FAM135B: variants seen among roughly 807,000 people sequenced by gnomAD.
FAM135B encodes the protein family with sequence similarity 135 member B.
In FAM135B, 43 loss-of-function variants were observed where a neutral mutation model predicts 127.7. The observed-to-expected ratio is 0.34, with a 90% CI of 0.26 to 0.43. The LOEUF is 0.43. Ranked by LOEUF, FAM135B falls within the 20% of genes least tolerant of loss-of-function variation. The probability of loss-of-function intolerance (pLI) is 1.00; values close to 1 mark genes in which losing one functional copy is unlikely to be tolerated. For missense variants in FAM135B, 1,558 were observed against 1,725.6 expected (o/e 0.90, Z 1.72); for synonymous variants, 670 against 665.1 (o/e 1.01, Z -0.11).
chr8:138,430,952 A>G (rs946706406), intron 1 of FAM135B, among the ~76,000 whole-genome samples: 14 of 152,306 alleles, frequency 9.2e-5, no homozygotes, highest in African/African-American at 3.1e-4. Context: ...AAGGGAATAA[A>G]TAATGTATAA....
chr8:138,285,707 G>A (rs900835878), intron 3 of FAM135B, among the ~76,000 whole-genome samples: 3 of 152,302 alleles, frequency 2.0e-5, no homozygotes, highest in Non-Finnish European at 2.9e-5. Flanking sequence ...TTAAACAAGA[G>A]CATTAATTTC....
chr8:138,150,465 C>T (rs1301635711), intron 13 of FAM135B, among the ~76,000 whole-genome samples: 1 of 152,070 alleles, frequency 6.6e-6, no homozygotes, highest in African/African-American at 2.4e-5. Context: ...GTCAAGAGAT[C>T]GAGACCATCC....
At chr8:138,353,124 T>C (rs1363379296) in intron 2 of FAM135B, among the ~76,000 whole-genome samples, 1 of 152,148 alleles carries the variant, frequency 6.6e-6, no homozygotes, top group Admixed American at 6.5e-5. Flanking sequence ...TTCTGTACCA[T>C]TCCTAGGAGA....
chr8:138,482,145 G>A (rs1490147369), intron 1 of FAM135B, among the ~76,000 whole-genome samples: 6 of 152,218 alleles, frequency 3.9e-5, no homozygotes, highest in African/African-American at 1.4e-4. Context: ...GAAAGGAAGT[G>A]CCACTTCAGC....
At chr8:138,408,591 A>C (rs968680015) in intron 1 of FAM135B, among the ~76,000 whole-genome samples, 1 of 152,174 alleles carries the variant, frequency 6.6e-6, no homozygotes, top group Non-Finnish European at 1.5e-5. Flanking sequence ...ATTTATGATC[A>C]AAATAGGTTT....
chr8:138,226,581 G>A (rs1446850000), intron 7 of FAM135B, among the ~76,000 whole-genome samples: 5 of 152,174 alleles, frequency 3.3e-5, no homozygotes, highest in East Asian at 3.9e-4. Context: ...TTTTTGAGAT[G>A]GAGGCTCACT....
At chr8:138,298,548 G>A (rs1160541560) in intron 3 of FAM135B, among the ~76,000 whole-genome samples, 1 of 152,174 alleles carries the variant, frequency 6.6e-6, no homozygotes, top group African/African-American at 2.4e-5. Flanking sequence ...GAGTGACAGG[G>A]AAGAGGGATA....
At chr8:138,148,468 A>G in intron 14 of FAM135B, 52 bp downstream of exon 14, 2 of 1,428,786 alleles carry the variant, frequency 1.4e-6, no homozygotes, top group Non-Finnish European at 9.7e-7. Flanking sequence ...CATAAATATT[A>G]TAAGTTGTAT....
At chr8:138,290,664 G>A (rs763988268) in intron 3 of FAM135B, among the ~76,000 whole-genome samples, 13 of 152,072 alleles carry the variant, frequency 8.5e-5, no homozygotes, top group Non-Finnish European at 1.8e-4. Flanking sequence ...GCAGTGTTGG[G>A]TTATGGGAGC....
chr8:138,374,033 G>A (rs1035673086), intron 1 of FAM135B, among the ~76,000 whole-genome samples: 2 of 151,946 alleles, frequency 1.3e-5, no homozygotes, highest in Non-Finnish European at 2.9e-5. Flanking sequence ...TGATCTTTGT[G>A]ACACACACCC....
chr8:138,426,543 T>C (rs1834901065), intron 1 of FAM135B, among the ~76,000 whole-genome samples: 1 of 151,050 alleles, frequency 6.6e-6, no homozygotes, highest in East Asian at 1.9e-4. Context: ...ATATAATGTG[T>C]ATATATATAC....
At chr8:138,291,826 A>G (rs1825135588) in intron 3 of FAM135B, among the ~76,000 whole-genome samples, 1 of 152,188 alleles carries the variant, frequency 6.6e-6, no homozygotes, top group African/African-American at 2.4e-5. Flanking sequence ...ATCATACTCA[A>G]TGGTGAAAAG....
intron 9 of FAM135B, 110 bp from the exon 10 acceptor site, chr8:138,178,800 T>C: frequency 1.2e-6 from 1 of 829,296 alleles, no homozygotes; most frequent in East Asian, 2.5e-5. Context: ...AGCACTCTCC[T>C]TTCTCTGTAC....
intron 1 of FAM135B, among the ~76,000 whole-genome samples, chr8:138,431,923 G>A (rs1001349893): frequency 1.3e-5 from 2 of 152,154 alleles, no homozygotes; most frequent in African/African-American, 4.8e-5. Context: ...TCTCTTGGGA[G>A]GAAAACAAAA....
At chr8:138,218,658 C>A (rs1818759910) in intron 7 of FAM135B, among the ~76,000 whole-genome samples, 1 of 151,962 alleles carries the variant, frequency 6.6e-6, no homozygotes, top group South Asian at 2.1e-4. Context: ...CTCCTCCTTT[C>A]TTTTTACATG....
chr8:138,422,052 T>C (rs143990560), intron 1 of FAM135B, among the ~76,000 whole-genome samples: 1,655 of 152,214 alleles, frequency 0.011, 39 homozygotes, highest in African/African-American at 0.038. Context: ...TGTGCTGGGA[T>C]AACTGGCTAG....
intron 7 of FAM135B, among the ~76,000 whole-genome samples, chr8:138,232,806 T>C (rs757264283): frequency 2.0e-5 from 3 of 152,222 alleles, no homozygotes; most frequent in Non-Finnish European, 4.4e-5. Context: ...AAACTTTTAA[T>C]TTGAAATCTA....
intron 1 of FAM135B, among the ~76,000 whole-genome samples, chr8:138,415,481 C>A (rs1834092153): frequency 6.6e-6 from 1 of 152,124 alleles, no homozygotes; most frequent in Admixed American, 6.5e-5. Flanking sequence ...ACTTTCCAGG[C>A]CAGCTCTCTC....
chr8:138,478,363 T>G (rs1814614296), intron 1 of FAM135B, among the ~76,000 whole-genome samples: 1 of 152,144 alleles, frequency 6.6e-6, no homozygotes, highest in Non-Finnish European at 1.5e-5. Context: ...CACCCAAAAG[T>G]ATCCAACTGG....
Sources: allele counts gnomAD v4.1 joint callset (sites outside exome capture counted in the v4.1 genomes callset), GRCh38; gene constraint gnomAD v4.1.1; transcripts MANE v1.5; gene names NCBI Gene and HGNC (gene_info 2026-07-23, HGNC 2026-07-21).